The following ANO4 variants were observed in gnomAD, a reference collection of about 807,000 sequenced individuals.
ANO4 encodes the protein anoctamin-4.
Under a neutral mutation model 141.9 loss-of-function variants are expected in ANO4, and 69 were observed. The ratio of observed to expected loss-of-function variants is 0.49; its 90% CI spans 0.40 to 0.59. ANO4 has a LOEUF of 0.59. Ranked by LOEUF, ANO4 falls within the 20% of genes least tolerant of loss-of-function variation. The probability of loss-of-function intolerance (pLI) is 0.00; values close to 1 mark genes in which losing one functional copy is unlikely to be tolerated. For synonymous variants in ANO4, 350 were observed against 394.3 expected, an observed-to-expected ratio of 0.89 and a Z score of 1.33; for missense variants, 894 against 1,162.2, an observed-to-expected ratio of 0.77 and a Z score of 3.36.
chr12:101,025,642 G>A (rs145417876), intron 9 of ANO4, among the ~76,000 whole-genome samples: 1 of 152,298 alleles, frequency 6.6e-6, no homozygotes, highest in East Asian at 1.9e-4. Flanking sequence ...GAGCAGTGAG[G>A]AGAATACTCA....
intron 1 of ANO4, among the ~76,000 whole-genome samples, chr12:100,800,922 A>G (rs768386651): frequency 7.2e-5 from 11 of 152,282 alleles, no homozygotes; most frequent in Non-Finnish European, 1.3e-4. Flanking sequence ...TGCACATGCT[A>G]TTTCCTCTTC....
intron 1 of ANO4, among the ~76,000 whole-genome samples, chr12:100,879,990 A>T (rs186217361): frequency 4.6e-5 from 7 of 152,328 alleles, no homozygotes; most frequent in African/African-American, 1.7e-4. Context: ...GGGATTTGTT[A>T]AAGTGGACCA....
chr12:100,782,768 C>T (rs182618224), intron 3 of ANO4, among the ~76,000 whole-genome samples: 1 of 152,250 alleles, frequency 6.6e-6, no homozygotes, highest in Admixed American at 6.5e-5. Flanking sequence ...GACTTCCTTC[C>T]CTTTGTAGTT....
chr12:101,103,999 A>T (rs998448798), intron 22 of ANO4, among the ~76,000 whole-genome samples: 14 of 152,008 alleles, frequency 9.2e-5, no homozygotes, highest in South Asian at 4.2e-4. Flanking sequence ...TGTTCATTTC[A>T]TCTAAATTTT....
intron 3 of ANO4, among the ~76,000 whole-genome samples, chr12:100,937,816 C>T (rs994402273): frequency 1.3e-5 from 2 of 152,098 alleles, no homozygotes; most frequent in Non-Finnish European, 2.9e-5. Context: ...GGCTCGTGGC[C>T]GCATCCTGTA....
At chr12:100,957,881 T>A (rs1185150643) in intron 5 of ANO4, among the ~76,000 whole-genome samples, 3 of 151,896 alleles carry the variant, frequency 2.0e-5, no homozygotes, top group African/African-American at 4.8e-5. Flanking sequence ...TTTTATATAT[T>A]TTTTTTAGTA....
intron 9 of ANO4, among the ~76,000 whole-genome samples, chr12:101,028,125 C>T (rs898906516): frequency 1.3e-5 from 2 of 152,170 alleles, no homozygotes; most frequent in Non-Finnish European, 2.9e-5. Flanking sequence ...CAGAAAGCAA[C>T]AACAACAGCA....
intron 1 of ANO4, among the ~76,000 whole-genome samples, chr12:100,725,732 T>G (rs1455291859): frequency 6.6e-6 from 1 of 152,110 alleles, no homozygotes; most frequent in Non-Finnish European, 1.5e-5. Context: ...AATCAAGCAA[T>G]TATAAGAATT....
At chr12:100,867,871 G>T (rs542719931) in intron 1 of ANO4, among the ~76,000 whole-genome samples, 1 of 152,240 alleles carries the variant, frequency 6.6e-6, no homozygotes, top group East Asian at 1.9e-4. Flanking sequence ...GTGTCATTTT[G>T]CACTCTTTCA....
At chr12:100,744,556 A>G (rs2079398232) in intron 3 of ANO4, among the ~76,000 whole-genome samples, 1 of 152,116 alleles carries the variant, frequency 6.6e-6, no homozygotes, top group African/African-American at 2.4e-5. Context: ...CTACCTTCAA[A>G]TGCCATCACG....
intron 14 of ANO4, among the ~76,000 whole-genome samples, chr12:101,072,775 G>GTCT: frequency 6.6e-6 from 1 of 152,080 alleles, no homozygotes; most frequent in Non-Finnish European, 1.5e-5. Flanking sequence ...GTGGGCAAAG[G>GTCT]ATATGAATAG....
chr12:101,100,636 T>C (rs879094420), intron 22 of ANO4, among the ~76,000 whole-genome samples: 2 of 152,158 alleles, frequency 1.3e-5, no homozygotes, highest in Admixed American at 6.6e-5. Flanking sequence ...TGTTGGTATA[T>C]TGAGTGCTTA....
intron 14 of ANO4, among the ~76,000 whole-genome samples, chr12:101,062,504 G>A (rs773045877): frequency 6.6e-6 from 1 of 152,206 alleles, no homozygotes; most frequent in Non-Finnish European, 1.5e-5. Context: ...TCCCCCAGGT[G>A]CTCTGTCCCA....
At chr12:100,813,920 C>A (rs2035585823) in intron 1 of ANO4, among the ~76,000 whole-genome samples, 1 of 152,056 alleles carries the variant, frequency 6.6e-6, no homozygotes, top group Non-Finnish European at 1.5e-5. Flanking sequence ...TGTTTTGAAT[C>A]TTTGGGCCAT....
chr12:100,718,227 A>C (rs796297449), intron 1 of ANO4, among the ~76,000 whole-genome samples: 1 of 152,246 alleles, frequency 6.6e-6, no homozygotes. Flanking sequence ...TTTCAGGCTC[A>C]GCTAGAAATC....
chr12:101,109,776 A>AT (rs138872622), intron 22 of ANO4, among the ~76,000 whole-genome samples: 177 of 152,138 alleles, frequency 1.2e-3, no homozygotes, highest in Non-Finnish European at 2.0e-3. Flanking sequence ...ACTAATGGTG[A>AT]TTTTTTAATT....
At chr12:100,822,913 A>G (rs576327566) in intron 1 of ANO4, among the ~76,000 whole-genome samples, 2 of 151,936 alleles carry the variant, frequency 1.3e-5, no homozygotes, top group Non-Finnish European at 2.9e-5. Context: ...ATTTCTTTTC[A>G]GATCTCACCG....
chr12:101,110,264 C>A, intron 22 of ANO4, 140 bp from the exon 23 acceptor site: 1 of 871,548 alleles, frequency 1.1e-6, no homozygotes, highest in Non-Finnish European at 1.6e-6. Context: ...TCCTGGCCAT[C>A]TTTCTGGAAG....
chr12:100,769,482 G>A (rs1182545853), intron 3 of ANO4, among the ~76,000 whole-genome samples: 1 of 152,190 alleles, frequency 6.6e-6, no homozygotes, highest in African/African-American at 2.4e-5. Context: ...ACCAGTTGTT[G>A]TCCATGGGCT....
Sources: allele counts gnomAD v4.1 joint callset (sites outside exome capture counted in the v4.1 genomes callset), GRCh38; gene constraint gnomAD v4.1.1; transcripts MANE v1.5; gene names NCBI Gene and HGNC (gene_info 2026-07-23, HGNC 2026-07-21).